Variants in LOXHD1 observed in about 807,000 individuals in gnomAD.
LOXHD1 encodes lipoxygenase homology PLAT domains 1, also known as lipoxygenase homology domain-containing protein 1.
In LOXHD1, 205 loss-of-function variants were observed where a neutral mutation model predicts 248.2. The ratio of observed to expected loss-of-function variants is 0.83; its 90% CI spans 0.74 to 0.93. The LOEUF is 0.93. LOXHD1 is among the 40% of genes least tolerant of loss of function. The pLI is 0.00. For synonymous variants in LOXHD1, 1,113 were observed against 1,162.8 expected (o/e 0.96, Z 0.87); for missense variants, 2,930 against 2,971.6 (o/e 0.99, Z 0.33).
chr18:46,616,379 G>A (rs1360973005), intron 5 of LOXHD1, among the ~76,000 whole-genome samples: 1 of 152,132 alleles, frequency 6.6e-6, no homozygotes, highest in East Asian at 1.9e-4. Context: ...TGGGAATGGG[G>A]AGATCAGCAG....
chr18:46,518,184 G>C lies in LOXHD1; in HGVS notation c.5344C>G (p.Leu1782Val). The C allele has an allele frequency of 6.4e-7, 1 of 1,551,660 alleles. No homozygotes were observed. The highest frequency in any genetic ancestry group is 8.7e-7 in the Non-Finnish European group (1 of 1,146,994). The change falls in exon 34 of 41, where the codon CTC becomes GTC. Residue 1782 changes from leucine (L) to valine (V), a missense_variant. Transcript: ENST00000642948. ...TCTGTGCTCCCGTTGATGCCGTAGA[G>C]GGTCATGAAGATGTTGGAGTCAGTG... ...GGTDSNIFMT[L>V]YGINGSTEEM...
intron 2 of LOXHD1, among the ~76,000 whole-genome samples, chr18:46,648,542 C>G: frequency 6.6e-6 from 1 of 152,212 alleles, no homozygotes; most frequent in Non-Finnish European, 1.5e-5. Context: ...CGTCTGCTAA[C>G]ATGTTCTCAG....
At position 46,529,315 on chromosome 18, in the gene LOXHD1, C is replaced by T. The variant is rs1468469017; in HGVS notation, c.4392G>A (p.Val1464=). The T allele has an allele frequency of 5.8e-6, 9 of 1,549,028 alleles. No homozygotes were observed. The highest frequency in any genetic ancestry group is 7.0e-6 in the Non-Finnish European group (8 of 1,145,186). The part of the protein sequence containing the change: ...EEPLDIVLYS[V]QIFTGNIPGA... Reference sequence around the variant, plus strand: ...CAGGAATGTTCCCTGTGAAGATCTGCACCGAGTACAGCACAACTGGGCAGG... The same window carrying T: ...CAGGAATGTTCCCTGTGAAGATCTGTACCGAGTACAGCACAACTGGGCAGG... The change falls in exon 29 of 41, where the codon GTG becomes GTA. Residue 1464 remains valine (V), a synonymous_variant. Transcript: ENST00000642948.
At chr18:46,557,015 C>CCTTA (rs1049333201) in intron 21 of LOXHD1, among the ~76,000 whole-genome samples, 34 of 149,912 alleles carry the variant, frequency 2.3e-4, no homozygotes, top group Admixed American at 2.1e-3. Flanking sequence ...CCCAGTCCAC[C>CCTTA]CTTACTTTTC....
At chr18:46,521,841 A>G (rs1315094292) in intron 32 of LOXHD1, among the ~76,000 whole-genome samples, 1 of 152,208 alleles carries the variant, frequency 6.6e-6, no homozygotes, top group African/African-American at 2.4e-5. Context: ...TTAAGGCACT[A>G]AGTTTGTGAT....
chr18:46,517,979 G>C, intron 34 of LOXHD1, 150 bp downstream of exon 34: 4 of 934,658 alleles, frequency 4.3e-6, no homozygotes, highest in Non-Finnish European at 6.5e-6. Context: ...GAAAGAGAAA[G>C]GTACTGAGAC....
At chr18:46,563,499 AAGG>A (rs1247492318) in intron 17 of LOXHD1, among the ~76,000 whole-genome samples, 2 of 152,158 alleles carry the variant, frequency 1.3e-5, no homozygotes, top group Non-Finnish European at 2.9e-5. Context: ...ACGCACCAGG[AAGG>A]AGGAGGAGTC....
chr18:46,649,300 G>T (rs2039077345), intron 1 of LOXHD1, 31 bp from the exon 2 acceptor site: 1 of 1,531,420 alleles, frequency 6.5e-7, no homozygotes, highest in African/African-American at 1.4e-5. Context: ...ACAGATTGCA[G>T]GCTCAGAAAA....
intron 29 of LOXHD1, among the ~76,000 whole-genome samples, chr18:46,525,765 G>T (rs1317524148): frequency 2.0e-5 from 3 of 152,134 alleles, no homozygotes; most frequent in Non-Finnish European, 4.4e-5. Flanking sequence ...TGAAAGATTT[G>T]CTGGGTGCAG....
intron 22 of LOXHD1, among the ~76,000 whole-genome samples, chr18:46,546,348 C>T (rs1425436032): frequency 6.6e-6 from 1 of 151,556 alleles, no homozygotes; most frequent in Admixed American, 6.6e-5. Context: ...CATTTCATTC[C>T]AATACATTCC....
At chr18:46,627,287 G>T (rs543167993) in intron 4 of LOXHD1, among the ~76,000 whole-genome samples, 1 of 152,168 alleles carries the variant, frequency 6.6e-6, no homozygotes, top group Non-Finnish European at 1.5e-5. Flanking sequence ...AGACACAAGG[G>T]CCACCAGCAG....
intron 8 of LOXHD1, among the ~76,000 whole-genome samples, chr18:46,600,056 T>C (rs749923920): frequency 1.3e-5 from 2 of 152,228 alleles, no homozygotes; most frequent in Non-Finnish European, 2.9e-5. Context: ...TCACTTACCC[T>C]GTGACCTAGC....
intron 17 of LOXHD1, among the ~76,000 whole-genome samples, chr18:46,565,919 T>C (rs2037630495): frequency 6.6e-6 from 1 of 152,178 alleles, no homozygotes; most frequent in African/African-American, 2.4e-5. Context: ...AAGAGTTTTG[T>C]CTCCTCAGCC....
At chr18:46,563,927 G>T (rs1054623958) in intron 17 of LOXHD1, among the ~76,000 whole-genome samples, 3 of 151,992 alleles carry the variant, frequency 2.0e-5, no homozygotes, top group Non-Finnish European at 4.4e-5. Context: ...CAGAGAGAGC[G>T]ATCCATCGAA....
chr18:46,545,591 G>T (rs1379707148), intron 22 of LOXHD1, among the ~76,000 whole-genome samples, 170 bp from the exon 23 acceptor site: 1 of 144,918 alleles, frequency 6.9e-6, no homozygotes, highest in Non-Finnish European at 1.5e-5. Flanking sequence ...CCAGTGATTA[G>T]TAATAAGTAT....
chr18:46,503,878 G>C (rs1314299656), intron 37 of LOXHD1, among the ~76,000 whole-genome samples: 1 of 152,122 alleles, frequency 6.6e-6, no homozygotes, highest in African/African-American at 2.4e-5. Flanking sequence ...TGGCTGGTGA[G>C]GGTGCAGAAT....
chr18:46,562,969 G>T, intron 18 of LOXHD1, 96 bp downstream of exon 18: 1 of 1,375,886 alleles, frequency 7.3e-7, no homozygotes, highest in Non-Finnish European at 9.8e-7. Context: ...GCCCATTCTC[G>T]GGTGAGTATT....
At chr18:46,599,725 A>G (rs1222746179) in intron 8 of LOXHD1, among the ~76,000 whole-genome samples, 2 of 152,156 alleles carry the variant, frequency 1.3e-5, no homozygotes. Flanking sequence ...AAATCCAAAG[A>G]TAGATTGGTC....
intron 16 of LOXHD1, among the ~76,000 whole-genome samples, chr18:46,567,035 C>T (rs2037657388): frequency 6.6e-6 from 1 of 152,242 alleles, no homozygotes; most frequent in Non-Finnish European, 1.5e-5. Context: ...CAATAACACT[C>T]TATAATTGCT....
Sources: gnomAD v4.1 joint callset for allele counts (sites outside exome capture counted in the v4.1 genomes callset) on GRCh38, gnomAD v4.1.1 for gene constraint, MANE v1.5 for transcripts, NCBI Gene and HGNC (gene_info 2026-07-23, HGNC 2026-07-21) for gene names.